Variants in MAP3K9 observed in about 807,000 individuals in gnomAD.
MAP3K9 encodes the protein mixed lineage kinase 1 (tyr and ser/thr specificity).
Under a neutral mutation model 95.8 loss-of-function variants are expected in MAP3K9, and 46 were observed. The ratio of observed to expected loss-of-function variants is 0.48; its 90% confidence interval spans 0.38 to 0.61. MAP3K9 has a LOEUF of 0.61. MAP3K9 is among the 20% of genes least tolerant of loss of function. The pLI is 0.00. For synonymous variants in MAP3K9, 533 were observed against 593.8 expected, an observed-to-expected ratio of 0.90 and a Z score of 1.49; for missense variants, 1,296 against 1,474.3, an observed-to-expected ratio of 0.88 and a Z score of 1.98.
chr14:70,740,710 A>C (rs544631872), intron 6 of MAP3K9, among the ~76,000 whole-genome samples: 1 of 152,338 alleles, frequency 6.6e-6, no homozygotes, highest in East Asian at 1.9e-4. Context: ...TACAGCATAA[A>C]GAATGTAAAA....
intron 2 of MAP3K9, among the ~76,000 whole-genome samples, chr14:70,764,102 C>T (rs1008488667): frequency 7.3e-5 from 10 of 136,080 alleles, no homozygotes; most frequent in Admixed American, 5.0e-4. Context: ...AGGAGAATGG[C>T]GTGAACCCGG....
At chr14:70,776,334 AG>A (rs955890341) in intron 2 of MAP3K9, among the ~76,000 whole-genome samples, 7 of 152,360 alleles carry the variant, frequency 4.6e-5, no homozygotes, top group African/African-American at 1.7e-4. Context: ...ATGTGCTAAA[AG>A]CACCATGGCT....
At chr14:70,776,169 A>G (rs2054595862) in intron 2 of MAP3K9, among the ~76,000 whole-genome samples, 2 of 152,236 alleles carry the variant, frequency 1.3e-5, no homozygotes, top group Admixed American at 1.3e-4. Flanking sequence ...AGCCTGGGCG[A>G]CAGAGCGAGA....
chr14:70,727,113 A>G lies in MAP3K9; in HGVS notation c.*3267T>C, dbSNP rs1260935168. On this transcript the variant is annotated 3_prime_UTR_variant, in exon 12 of 12. Coordinates refer to ENST00000554752, the MANE Select transcript of MAP3K9 (RefSeq NM_001284230.2). ...TACTAGCAAGGGTATCAAATGTACAAGGAAAATGATGTCATTTTGCAAAGG... is the reference window on the plus strand; with the variant it reads ...TACTAGCAAGGGTATCAAATGTACAGGGAAAATGATGTCATTTTGCAAAGG... 1 of 152,242 alleles carries G rather than the reference A, an allele frequency of 6.6e-6. No homozygotes were observed. Among genetic ancestry groups the G allele is most frequent in the Non-Finnish European group, 1.5e-5 (1 of 68,048 alleles). 9.4% of individuals were successfully genotyped at this position (152,242 alleles called of 1,614,324 possible). A position where few individuals can be genotyped will look rare whatever the true frequency, so the allele number is the denominator to read the frequency against.
At chr14:70,791,344 A>C (rs753423602) in intron 2 of MAP3K9, among the ~76,000 whole-genome samples, 8 of 152,140 alleles carry the variant, frequency 5.3e-5, no homozygotes, top group African/African-American at 1.9e-4. Flanking sequence ...GCATTATGAG[A>C]GCTTAAAAGT....
intron 2 of MAP3K9, among the ~76,000 whole-genome samples, chr14:70,794,990 C>CTTTTTTTTTTCT (rs2054847510): frequency 1.3e-5 from 1 of 76,800 alleles, no homozygotes. Context: ...TTTTCTTTTC[C>CTTTTTTTTTTCT]TTTTTTTTTT....
In MAP3K9 at chr14:70,808,758, C is replaced by T; in HGVS notation, c.406+8G>A. On this transcript the variant is annotated splice_region_variant and intron_variant, in intron 1 of 11. Coordinates refer to ENST00000554752, the MANE Select transcript of MAP3K9 (RefSeq NM_001284230.2). ...CCCCCTCCCCGCCCGGCCCCGCCTT[C>T]GCCTTACACTGAATGGGCGGGTAGC... The T allele has an allele frequency of 6.9e-7, 1 of 1,459,578 alleles. No individual in the cohort carries two copies. Among genetic ancestry groups the T allele is most frequent in the Non-Finnish European group, 9.1e-7 (1 of 1,097,096 alleles). 90.4% of individuals were successfully genotyped at this position (1,459,578 alleles called of 1,614,324 possible).
At chr14:70,782,450 G>A (rs758119017) in intron 2 of MAP3K9, among the ~76,000 whole-genome samples, 3 of 152,074 alleles carry the variant, frequency 2.0e-5, no homozygotes, top group Non-Finnish European at 2.9e-5. Flanking sequence ...AGGAGGAAGC[G>A]GTACAAGCCA....
chr14:70,733,400 A>G, intron 10 of MAP3K9, 58 bp from the exon 11 acceptor site: 1 of 782,008 alleles, frequency 1.3e-6, no homozygotes, highest in Non-Finnish European at 2.1e-6. Flanking sequence ...TGGCAGGAAT[A>G]AGAATCTGGC....
chr14:70,784,625 C>A (rs1418814119), intron 2 of MAP3K9, among the ~76,000 whole-genome samples: 4 of 152,090 alleles, frequency 2.6e-5, no homozygotes, highest in South Asian at 4.1e-4. Context: ...CGTCAGTAAT[C>A]CCAGCTACTC....
At chr14:70,739,148 GAGACGGAGTCTCAC>G (rs2054028851) in intron 7 of MAP3K9, among the ~76,000 whole-genome samples, 2 of 152,048 alleles carry the variant, frequency 1.3e-5, no homozygotes, top group South Asian at 4.2e-4. Context: ...TTTCTTTTTT[GAGACGGAGTCTCAC>G]TCTGTCGCCC....
chr14:70,808,242 A>G (rs1277292239), intron 1 of MAP3K9, among the ~76,000 whole-genome samples: 1 of 152,236 alleles, frequency 6.6e-6, no homozygotes, highest in African/African-American at 2.4e-5. Context: ...CTGAGCCTTG[A>G]GTTCACACAT....
At chr14:70,785,382 C>T (rs1283701109) in intron 2 of MAP3K9, among the ~76,000 whole-genome samples, 1 of 152,126 alleles carries the variant, frequency 6.6e-6, no homozygotes, top group Non-Finnish European at 1.5e-5. Flanking sequence ...TACATTCATA[C>T]CTATGATAAA....
Position 70,760,095 on chromosome 14 carries a change from G to A in MAP3K9, c.1001+907C>T, listed in dbSNP as rs576666783. ...AAAGTGTACAAAGGATTAGCTTTACGGTATGTGAATAATAGCTCAATAAAG... is the reference window on the plus strand; with the variant it reads ...AAAGTGTACAAAGGATTAGCTTTACAGTATGTGAATAATAGCTCAATAAAG... On this transcript the variant is annotated intron_variant, in intron 3 of 11. Coordinates refer to ENST00000554752, the MANE Select transcript of MAP3K9 (RefSeq NM_001284230.2). Among the ~76,000 whole-genome samples the A allele has an allele frequency of 5.4e-4, 80 of 149,306 alleles. 4 individuals are homozygous for A. In the Middle Eastern group the frequency reaches 0.055, roughly 103 times the overall value.
Position 70,730,707 on chromosome 14 carries a change from A to G in MAP3K9, c.2988T>C (p.Arg996=), listed in dbSNP as rs2053887985. 1 of 1,613,618 alleles carries G rather than the reference A, an allele frequency of 6.2e-7. No homozygotes were observed. Among genetic ancestry groups the G allele is most frequent in the Non-Finnish European group, 8.5e-7 (1 of 1,180,012 alleles). The change falls in exon 12 of 12, where the codon CGT becomes CGC. Residue 996 remains arginine (R), a synonymous_variant. Coordinates refer to ENST00000554752, the MANE Select transcript of MAP3K9 (RefSeq NM_001284230.2). The part of the protein sequence containing the change: ...PKTLEFLPRP[R]PSANRQRLDP... ...CCAGCCGTTGCCGGTTGGCAGAAGG[A>G]CGCGGCCGAGGCAGAAACTCCAGAG... is the stretch of plus-strand genomic sequence containing the variant.
At chr14:70,743,893 G>A (rs1354185184) in intron 5 of MAP3K9, among the ~76,000 whole-genome samples, 1 of 152,170 alleles carries the variant, frequency 6.6e-6, no homozygotes. Flanking sequence ...CTACTATAAA[G>A]ACACATGCAC....
chr14:70,736,723 C>T (rs2139716122), intron 8 of MAP3K9, among the ~76,000 whole-genome samples: 1 of 152,324 alleles, frequency 6.6e-6, no homozygotes, highest in South Asian at 2.1e-4. Flanking sequence ...TAGCCCAGAG[C>T]TCAAGGGACA....
chr14:70,751,435 G>C (rs1323422270), intron 3 of MAP3K9, among the ~76,000 whole-genome samples: 1 of 152,220 alleles, frequency 6.6e-6, no homozygotes, highest in East Asian at 1.9e-4. Context: ...GGCCAGGCAT[G>C]GTGGCTCACA....
At chr14:70,751,606 C>G (rs2054229074) in intron 3 of MAP3K9, among the ~76,000 whole-genome samples, 1 of 152,040 alleles carries the variant, frequency 6.6e-6, no homozygotes, top group African/African-American at 2.4e-5. Flanking sequence ...GTAATCCCAG[C>G]TACTTGGGAG....
Sources: gnomAD v4.1 joint callset for allele counts (sites outside exome capture counted in the v4.1 genomes callset) on GRCh38, gnomAD v4.1.1 for gene constraint, MANE v1.5 for transcripts, NCBI Gene and HGNC (gene_info 2026-07-23, HGNC 2026-07-21) for gene names.